The following MAD1L1 variants were observed in gnomAD, a reference collection of about 807,000 sequenced individuals.
MAD1L1 encodes mitotic spindle assembly checkpoint protein MAD1.
In MAD1L1, 95 loss-of-function variants were observed where a neutral mutation model predicts 96.9. That is an observed-to-expected ratio of 0.98 (90% CI 0.83 to 1.16). The LOEUF (loss-of-function observed/expected upper bound fraction) is 1.16, where lower values mean the gene tolerates loss of function less well. Among genes scored for constraint, MAD1L1 ranks in the 50% most tolerant of loss-of-function variants. The pLI is 0.00. For synonymous variants in MAD1L1, 473 were observed against 396.6 expected, an observed-to-expected ratio of 1.19 and a Z score of -2.29; for missense variants, 1,007 against 954.4, an observed-to-expected ratio of 1.06 and a Z score of -0.73.
intron 15 of MAD1L1, among the ~76,000 whole-genome samples, chr7:1,963,648 G>A (rs527292831): frequency 2.6e-5 from 4 of 152,294 alleles, no homozygotes; most frequent in African/African-American, 7.2e-5. Context: ...CTTGTACGGC[G>A]CACCTGCAGG....
intron 16 of MAD1L1, among the ~76,000 whole-genome samples, chr7:1,951,123 G>C (rs1309370328): frequency 6.6e-6 from 1 of 152,266 alleles, no homozygotes; most frequent in East Asian, 1.9e-4. Flanking sequence ...GTCCCTGCCA[G>C]ACTGGCGGAT....
chr7:1,894,727 G>A (rs1251848559), intron 18 of MAD1L1, among the ~76,000 whole-genome samples: 1 of 152,124 alleles, frequency 6.6e-6, no homozygotes, highest in Non-Finnish European at 1.5e-5. Context: ...CGAGCGGGGT[G>A]CTAGGCACAG....
chr7:1,889,201 C>A (rs970862669), intron 18 of MAD1L1, among the ~76,000 whole-genome samples: 3 of 152,166 alleles, frequency 2.0e-5, no homozygotes, highest in African/African-American at 7.2e-5. Flanking sequence ...CAGAGGCAAG[C>A]GACATCCACA....
chr7:2,112,594 T>C (rs533595453), intron 11 of MAD1L1, among the ~76,000 whole-genome samples: 2 of 152,328 alleles, frequency 1.3e-5, no homozygotes, highest in South Asian at 4.1e-4. Flanking sequence ...ACATGGTGTG[T>C]GCTGACACCT....
At chr7:2,220,738 C>T (rs1793557431) in intron 5 of MAD1L1, 1 of 879,450 alleles carries the variant, frequency 1.1e-6, no homozygotes, top group Non-Finnish European at 1.7e-6. Context: ...GGGCTGCGTG[C>T]TCCCCACATG....
chr7:1,901,312 G>A (rs1357597840), intron 17 of MAD1L1, among the ~76,000 whole-genome samples: 1 of 152,224 alleles, frequency 6.6e-6, no homozygotes, highest in African/African-American at 2.4e-5. Flanking sequence ...TTGCTTTCTT[G>A]TCGGTTGCTC....
At chr7:2,022,480 A>C (rs1468900980) in intron 12 of MAD1L1, among the ~76,000 whole-genome samples, 1 of 152,136 alleles carries the variant, frequency 6.6e-6, no homozygotes, top group East Asian at 1.9e-4. Context: ...AAAATACAAA[A>C]ATTAGCCGGG....
rs778385148 is a variant in MAD1L1, at chr7:1,898,198, AC to A, written c.1998+1del. ...CGGAGAGCCGTCACACGCAGGACCCACCTTGAAGATGAGGCAGTCGCCTGGG... is the reference window on the plus strand; with the variant it reads ...CGGAGAGCCGTCACACGCAGGACCCACTTGAAGATGAGGCAGTCGCCTGGG... On this transcript the variant is annotated splice_donor_variant, in intron 18 of 18. Transcript: ENST00000265854. LOFTEE classifies it high-confidence loss of function. 5 of 1,605,434 alleles carry A rather than the reference AC, an allele frequency of 3.1e-6. No individual in the cohort carries two copies. The highest frequency in any genetic ancestry group is 3.4e-6 in the Non-Finnish European group (4 of 1,175,756).
intron 17 of MAD1L1, among the ~76,000 whole-genome samples, chr7:1,905,499 G>A (rs371964095): frequency 3.5e-4 from 50 of 143,056 alleles, no homozygotes; most frequent in African/African-American, 1.3e-3. Context: ...CATGATTGAT[G>A]AAGCACTGTT....
rs78196528 is a variant in MAD1L1, at chr7:2,039,299, G to T, written c.1219-24657C>A. 5.8e-3 allele frequency among the ~76,000 whole-genome samples: 879 copies of T among 152,296 alleles called. 3 individuals carry two copies. Among genetic ancestry groups the T allele is most frequent in the Non-Finnish European group, 9.7e-3 (659 of 68,030 alleles). On this transcript the variant is annotated intron_variant, in intron 12 of 18. Transcript: ENST00000265854. ...ACATCAGAATTCTTTCCAGTTTTTG[G>T]CCATTATGCAAAAGCTGCTAGGAAG... is the stretch of plus-strand genomic sequence containing the variant.
At chr7:2,130,193 G>A (rs1270975589) in intron 11 of MAD1L1, among the ~76,000 whole-genome samples, 1 of 152,232 alleles carries the variant, frequency 6.6e-6, no homozygotes, top group Non-Finnish European at 1.5e-5. Context: ...GCTGGGCGCA[G>A]CCATGGAGCT....
intron 12 of MAD1L1, among the ~76,000 whole-genome samples, chr7:2,056,263 A>G (rs1231246635): frequency 6.6e-6 from 1 of 152,238 alleles, no homozygotes; most frequent in East Asian, 1.9e-4. Context: ...TTTCAGTATT[A>G]AAAAAGAAAG....
At chr7:1,963,684 G>A (rs929500065) in intron 15 of MAD1L1, among the ~76,000 whole-genome samples, 50 of 152,220 alleles carry the variant, frequency 3.3e-4, no homozygotes, top group African/African-American at 1.2e-3. Context: ...CGAGGCTGCT[G>A]GCCAGGGGCA....
At chr7:2,083,355 CAG>C (rs1357437549) in intron 11 of MAD1L1, among the ~76,000 whole-genome samples, 1 of 152,164 alleles carries the variant, frequency 6.6e-6, no homozygotes, top group African/African-American at 2.4e-5. Context: ...CAGCTCTAAG[CAG>C]TTTATTTCCT....
At chr7:1,980,707 G>T in intron 14 of MAD1L1, 166 bp from the exon 15 acceptor site, 1 of 710,134 alleles carries the variant, frequency 1.4e-6, no homozygotes, top group Non-Finnish European at 2.6e-6. Context: ...AGGCCAGACA[G>T]CACTCTAACT....
intron 13 of MAD1L1, among the ~76,000 whole-genome samples, chr7:2,013,828 C>T (rs1782410339): frequency 1.3e-5 from 2 of 152,202 alleles, no homozygotes; most frequent in South Asian, 2.1e-4. Flanking sequence ...ACGTGGCCTC[C>T]GCCCAGGCCC....
intron 18 of MAD1L1, among the ~76,000 whole-genome samples, chr7:1,839,311 T>C (rs987398716): frequency 2.0e-5 from 3 of 150,524 alleles, no homozygotes; most frequent in African/African-American, 7.3e-5. Flanking sequence ...CAGGGAGGGC[T>C]CTGCCTCCTG....
At chr7:2,083,712 G>GCACA (rs1325206633) in intron 11 of MAD1L1, among the ~76,000 whole-genome samples, 1 of 152,270 alleles carries the variant, frequency 6.6e-6, no homozygotes, top group Non-Finnish European at 1.5e-5. Context: ...CCACTGACCT[G>GCACA]CAGCAGGCTG....
intron 16 of MAD1L1, among the ~76,000 whole-genome samples, chr7:1,956,538 C>T (rs1779735820): frequency 6.6e-6 from 1 of 152,240 alleles, no homozygotes. Flanking sequence ...CACACTGCAG[C>T]ACCACGCCTC....
Sources: allele counts gnomAD v4.1 joint callset (sites outside exome capture counted in the v4.1 genomes callset), GRCh38; gene constraint gnomAD v4.1.1; transcripts MANE v1.5; gene names NCBI Gene and HGNC (gene_info 2026-07-23, HGNC 2026-07-21).